The following RABGAP1L variants were observed in gnomAD, a reference collection of about 807,000 sequenced individuals.
RABGAP1L encodes RAB GTPase activating protein 1 like.
A neutral mutation model predicts 137.7 loss-of-function variants in RABGAP1L; 63 were observed. The observed-to-expected ratio is 0.46, with a 90% CI of 0.37 to 0.56. The LOEUF (loss-of-function observed/expected upper bound fraction) is 0.56. Among genes scored for constraint, RABGAP1L ranks in the 20% least tolerant of loss-of-function variants. The probability of loss-of-function intolerance (pLI) is 0.00; values close to 1 mark genes in which losing one functional copy is unlikely to be tolerated. For missense variants in RABGAP1L, 1,095 were observed against 1,244.0 expected, an observed-to-expected ratio of 0.88 and a Z score of 1.80; for synonymous variants, 431 against 433.7, an observed-to-expected ratio of 0.99 and a Z score of 0.08.
At chr1:174,347,494 TGTG>T (rs1221540148) in intron 11 of RABGAP1L, among the ~76,000 whole-genome samples, 8 of 149,590 alleles carry the variant, frequency 5.3e-5, no homozygotes, top group South Asian at 4.2e-4. Context: ...TGTGTGTGTG[TGTG>T]TGTTTTTTTC....
At chr1:174,728,212 A>G (rs1435093613) in intron 17 of RABGAP1L, among the ~76,000 whole-genome samples, 4 of 152,214 alleles carry the variant, frequency 2.6e-5, no homozygotes, top group Non-Finnish European at 2.9e-5. Flanking sequence ...TACTCTTTAA[A>G]TTGCTTTAAA....
chr1:174,460,872 A>C (rs775430100), intron 13 of RABGAP1L, among the ~76,000 whole-genome samples: 2 of 152,086 alleles, frequency 1.3e-5, no homozygotes, highest in Non-Finnish European at 2.9e-5. Flanking sequence ...AGGCAGATGG[A>C]TGGATGGATG....
intron 13 of RABGAP1L, chr1:174,545,333 A>AC (rs57462991): frequency 1 from 152,529 of 152,536 alleles, 76,261 homozygotes; most frequent in Middle Eastern, 1. Flanking sequence ...CCTTGCTGAC[A>AC]CTTGCGGCTT....
chr1:174,811,121 T>A (rs1386392715), intron 18 of RABGAP1L, among the ~76,000 whole-genome samples: 1 of 152,132 alleles, frequency 6.6e-6, no homozygotes, highest in Non-Finnish European at 1.5e-5. Context: ...ATAAGTGGTA[T>A]AACCCATGAT....
intron 11 of RABGAP1L, among the ~76,000 whole-genome samples, chr1:174,348,437 A>AT (rs1349976740): frequency 6.8e-6 from 1 of 146,598 alleles, no homozygotes; most frequent in Non-Finnish European, 1.5e-5. Flanking sequence ...GTTTCTATTT[A>AT]TTTTTTATTT....
chr1:174,635,627 T>G (rs1197053455), intron 13 of RABGAP1L, among the ~76,000 whole-genome samples: 1 of 143,920 alleles, frequency 6.9e-6, no homozygotes, highest in African/African-American at 2.8e-5. Flanking sequence ...ACTGAAGTTA[T>G]GGTGATTTTT....
intron 17 of RABGAP1L, among the ~76,000 whole-genome samples, chr1:174,710,728 T>C (rs1022890278): frequency 1.3e-5 from 2 of 152,132 alleles, no homozygotes; most frequent in Admixed American, 6.5e-5. Flanking sequence ...AAACAAATTG[T>C]AAAGACCATC....
chr1:174,361,097 C>T (rs1201460806), intron 11 of RABGAP1L, among the ~76,000 whole-genome samples: 1 of 152,084 alleles, frequency 6.6e-6, no homozygotes, highest in African/African-American at 2.4e-5. Flanking sequence ...GCAGAGCTTG[C>T]AGTGAGCCGA....
chr1:174,196,070 C>G (rs925850738), intron 1 of RABGAP1L, among the ~76,000 whole-genome samples: 1 of 151,424 alleles, frequency 6.6e-6, no homozygotes, highest in Admixed American at 6.6e-5. Context: ...CTCCTGACCT[C>G]GTGATCCGCC....
At chr1:174,974,580 C>T (rs975536024) in intron 21 of RABGAP1L, among the ~76,000 whole-genome samples, 2 of 152,096 alleles carry the variant, frequency 1.3e-5, no homozygotes, top group African/African-American at 4.8e-5. Flanking sequence ...TGTTAATTTG[C>T]TGTTAGATTT....
intron 18 of RABGAP1L, among the ~76,000 whole-genome samples, chr1:174,753,650 C>T (rs951803085): frequency 2.6e-5 from 4 of 152,176 alleles, no homozygotes; most frequent in African/African-American, 9.6e-5. Context: ...GGGTTTTGAC[C>T]TCTAATTTTT....
chr1:174,793,215 C>A (rs1409635166), intron 18 of RABGAP1L, among the ~76,000 whole-genome samples: 3 of 152,058 alleles, frequency 2.0e-5, no homozygotes, highest in South Asian at 4.1e-4. Flanking sequence ...GACATTCTTA[C>A]ATTAATAAAG....
chr1:174,192,915 G>A (rs1030362771), intron 1 of RABGAP1L, among the ~76,000 whole-genome samples: 8 of 152,170 alleles, frequency 5.3e-5, no homozygotes, highest in African/African-American at 1.9e-4. Flanking sequence ...CCACCACAAA[G>A]TGAGATTGAT....
intron 20 of RABGAP1L, chr1:174,957,923 A>C (rs773886333): frequency 6.3e-7 from 1 of 1,583,182 alleles, no homozygotes; most frequent in Non-Finnish European, 8.6e-7. Context: ...CAGCTGTTGC[A>C]TTTATACTGG....
At chr1:174,548,691 G>C (rs1572276490) in intron 13 of RABGAP1L, 2 of 535,480 alleles carry the variant, frequency 3.7e-6, no homozygotes, top group Non-Finnish European at 4.8e-6. Context: ...ATTTTGGTTG[G>C]AAAGTTTAAC....
rs1220113245 is a variant in RABGAP1L at position 174,990,326 on chromosome 1, T to C, written c.*325T>C. 1.6e-5 allele frequency: 3 copies of C among 190,050 alleles called. No individual in the cohort carries two copies. The East Asian group carries it at 3.8e-4, about 24-fold the overall frequency. The allele number at this position is 190,050 out of a possible 1,614,324, so 11.8% of individuals were successfully genotyped here. On this transcript the variant is annotated 3_prime_UTR_variant, in exon 26 of 26. Transcript: ENST00000681986. ...TTTTTTATTTAGAATTATTCATAAT[T>C]ATTTTTATCTTACATAAAAATGGAG... is the stretch of plus-strand genomic sequence containing the variant.
chr1:174,459,792 T>C (rs776833069), intron 13 of RABGAP1L, among the ~76,000 whole-genome samples: 25 of 152,082 alleles, frequency 1.6e-4, no homozygotes, highest in Non-Finnish European at 3.4e-4. Flanking sequence ...TCAGTACTGT[T>C]TAAAGTCACT....
intron 13 of RABGAP1L, among the ~76,000 whole-genome samples, chr1:174,542,712 T>C (rs1000384784): frequency 5.3e-5 from 8 of 152,138 alleles, no homozygotes; most frequent in African/African-American, 1.4e-4. Flanking sequence ...ATCTTTCCTG[T>C]TTACTCTTGT....
At chr1:174,781,709 T>C in intron 18 of RABGAP1L, among the ~76,000 whole-genome samples, 1 of 152,222 alleles carries the variant, frequency 6.6e-6, no homozygotes, top group South Asian at 2.1e-4. Flanking sequence ...GGTCTAATAT[T>C]TAAGTCTTTA....
Sources: gnomAD v4.1 joint callset for allele counts (sites outside exome capture counted in the v4.1 genomes callset) on GRCh38, gnomAD v4.1.1 for gene constraint, MANE v1.5 for transcripts, NCBI Gene and HGNC (gene_info 2026-07-23, HGNC 2026-07-21) for gene names.